Variants in FAM149B1 observed in about 807,000 individuals in gnomAD.
FAM149B1 encodes the protein family with sequence similarity 149 member B1.
A neutral mutation model predicts 75.3 loss-of-function variants in FAM149B1; 56 were observed. That is an observed-to-expected ratio of 0.74 (90% CI 0.60 to 0.93). The LOEUF is 0.93. Among genes scored for constraint, FAM149B1 ranks in the 40% least tolerant of loss-of-function variants. The pLI is 0.00. For missense variants in FAM149B1, 639 were observed against 708.4 expected, an observed-to-expected ratio of 0.90 and a Z score of 1.11; for synonymous variants, 259 against 256.1, an observed-to-expected ratio of 1.01 and a Z score of -0.11.
intron 2 of FAM149B1, 85 bp from the exon 3 acceptor site, chr10:73,177,761 G>C: frequency 8.4e-7 from 1 of 1,195,164 alleles, no homozygotes; most frequent in Admixed American, 2.3e-5. Context: ...CACCTAGTAA[G>C]TTGCTGAGTA....
chr10:73,202,343 CAAAG>C (rs2042957889), intron 5 of FAM149B1, among the ~76,000 whole-genome samples: 1 of 151,828 alleles, frequency 6.6e-6, no homozygotes, highest in East Asian at 1.9e-4. Flanking sequence ...TTTTTCAACA[CAAAG>C]AATTCCATTA....
chr10:73,226,077 T>TC (rs1019857281), intron 7 of FAM149B1, among the ~76,000 whole-genome samples: 1 of 151,488 alleles, frequency 6.6e-6, no homozygotes, highest in Non-Finnish European at 1.5e-5. Flanking sequence ...AAATGGTAAG[T>TC]CATGTGTATT....
chr10:73,197,113 C>T (rs1009470974), intron 5 of FAM149B1, among the ~76,000 whole-genome samples: 1 of 152,170 alleles, frequency 6.6e-6, no homozygotes, highest in African/African-American at 2.4e-5. Flanking sequence ...AAGCAATCCT[C>T]CCGCCTCAGC....
intron 9 of FAM149B1, 168 bp downstream of exon 9, chr10:73,230,693 G>T: frequency 1.8e-6 from 1 of 556,340 alleles, no homozygotes; most frequent in East Asian, 2.9e-5. Context: ...GGCTGATAAT[G>T]TAACTGGAAA....
In FAM149B1 at chr10:73,242,299, CAT is replaced by C. The variant is rs924537567; in HGVS notation, c.*1285_*1286del. ...GATTTAAACAGTCCCTTAAAAATTC[CAT>C]ATATTCTCATACCAACTCATCTACA... On this transcript the variant is annotated 3_prime_UTR_variant, in exon 14 of 14. Coordinates refer to ENST00000242505, the MANE Select transcript of FAM149B1 (RefSeq NM_173348.2). 9 of 152,086 alleles carry C rather than the reference CAT, an allele frequency of 5.9e-5. No homozygotes were observed. Among genetic ancestry groups the C allele is most frequent in the Non-Finnish European group, 1.2e-4 (8 of 68,020 alleles). 9.4% of individuals were successfully genotyped at this position (152,086 alleles called of 1,614,324 possible).
At chr10:73,211,845 G>T (rs993982118) in intron 7 of FAM149B1, among the ~76,000 whole-genome samples, 6 of 152,040 alleles carry the variant, frequency 3.9e-5, no homozygotes, top group African/African-American at 1.5e-4. Flanking sequence ...TTTCTTAGTG[G>T]TGAAATCTGG....
intron 5 of FAM149B1, among the ~76,000 whole-genome samples, chr10:73,196,223 C>G (rs2042801439): frequency 1.3e-5 from 2 of 152,006 alleles, no homozygotes; most frequent in Admixed American, 1.3e-4. Flanking sequence ...AGGCTCCTTA[C>G]TTTAAGGAGA....
At chr10:73,233,611 T>C (rs2043760047) in intron 10 of FAM149B1, among the ~76,000 whole-genome samples, 1 of 152,222 alleles carries the variant, frequency 6.6e-6, no homozygotes, top group African/African-American at 2.4e-5. Context: ...CCTAAAGTGC[T>C]GAGATTACAG....
chr10:73,240,240 G>C (rs758412840), intron 13 of FAM149B1, among the ~76,000 whole-genome samples: 2 of 152,156 alleles, frequency 1.3e-5, no homozygotes, highest in Non-Finnish European at 2.9e-5. Context: ...GATGTTTCCT[G>C]TTAATGATCA....
intron 1 of FAM149B1, among the ~76,000 whole-genome samples, chr10:73,170,722 G>T (rs1843677110): frequency 6.6e-6 from 1 of 151,960 alleles, no homozygotes; most frequent in African/African-American, 2.4e-5. Flanking sequence ...TTAGTTCCTA[G>T]TAAACTCTTT....
chr10:73,208,556 G>T, intron 5 of FAM149B1, 63 bp from the exon 6 acceptor site: 1 of 1,211,338 alleles, frequency 8.3e-7, no homozygotes, highest in South Asian at 1.8e-5. Flanking sequence ...TCATGTAACT[G>T]TGTTGCCATA....
chr10:73,174,571 A>G (rs1209723389), intron 1 of FAM149B1, 116 bp from the exon 2 acceptor site: 1 of 689,048 alleles, frequency 1.5e-6, no homozygotes, highest in East Asian at 2.7e-5. Context: ...GGTGGCTACC[A>G]TATCAGACAG....
rs1432311254 is a variant in FAM149B1, at chr10:73,233,168, G to GT, written c.1352+8dup. 6.5e-7 allele frequency: 1 copy of GT among 1,545,450 alleles called. No homozygotes were observed. The highest frequency in any genetic ancestry group is 2.0e-5 in the Admixed American group (1 of 50,980). On this transcript the variant is annotated splice_donor_region_variant and intron_variant, in intron 10 of 13. Transcript: ENST00000242505. ...AATCCTCAGAGGAGCCCGAGTGTAGGTTTCAAAAGCAGAACTTCTGGAAAC... is the reference window on the plus strand; with the variant it reads ...AATCCTCAGAGGAGCCCGAGTGTAGGTTTTCAAAAGCAGAACTTCTGGAAAC...
chr10:73,233,841 C>T (rs545155705), intron 10 of FAM149B1, among the ~76,000 whole-genome samples: 1 of 152,290 alleles, frequency 6.6e-6, no homozygotes, highest in African/African-American at 2.4e-5. Flanking sequence ...ATAGTTAATT[C>T]CCCTTTAAGG....
chr10:73,218,848 C>A (rs550638108), intron 7 of FAM149B1, among the ~76,000 whole-genome samples: 1 of 152,048 alleles, frequency 6.6e-6, no homozygotes, highest in Non-Finnish European at 1.5e-5. Flanking sequence ...CAGTTTTCCC[C>A]TCAATTTATC....
At chr10:73,183,741 TAAAG>T (rs1027145836) in intron 3 of FAM149B1, among the ~76,000 whole-genome samples, 3 of 152,156 alleles carry the variant, frequency 2.0e-5, no homozygotes, top group Non-Finnish European at 4.4e-5. Context: ...ATATAACAAA[TAAAG>T]AAGCAATTAT....
At position 73,178,968 on chromosome 10, in the gene FAM149B1, G is replaced by GT. The variant is rs1229898405; in HGVS notation, c.282+999dup. On this transcript the variant is annotated intron_variant, in intron 3 of 13. Coordinates refer to ENST00000242505, the MANE Select transcript of FAM149B1 (RefSeq NM_173348.2). Reference sequence around the variant, plus strand: ...GATGCAATAGACATTTTTATTTCTTGTTTTTTGTTTTTTTTGGAACGGAGT... The same window carrying GT: ...GATGCAATAGACATTTTTATTTCTTGTTTTTTTGTTTTTTTTGGAACGGAGT... Among the ~76,000 whole-genome samples, 405 of 151,330 alleles carry GT rather than the reference G, an allele frequency of 2.7e-3. 1 individual carries two copies. The highest frequency in any genetic ancestry group is 8.8e-3 in the African/African-American group (360 of 41,054).
At chr10:73,239,422 GGTTGT>G (rs1282875702) in intron 13 of FAM149B1, 38 bp downstream of exon 13, 15 of 1,489,376 alleles carry the variant, frequency 1.0e-5, no homozygotes, top group East Asian at 4.9e-5. Context: ...ACTACTGTGT[GGTTGT>G]GTTAAGACCC....
rs1302389880 is a variant in FAM149B1 at position 73,177,906 on chromosome 10, T to G, written c.213T>G (p.Ser71=). The G allele has an allele frequency of 2.6e-6, 4 of 1,551,726 alleles. No individual in the cohort carries two copies. In the East Asian group the frequency reaches 7.3e-5, roughly 28 times the overall value. The change falls in exon 3 of 14, where the codon TCT becomes TCG. Residue 71 remains serine, a synonymous_variant. Coordinates refer to ENST00000242505, the MANE Select transcript of FAM149B1 (RefSeq NM_173348.2). ...CAGCCGACACTGGGAATTCACTGTCTGCTTTTCCAAGTTATACAGGCGCAG... is the reference window on the plus strand; with the variant it reads ...CAGCCGACACTGGGAATTCACTGTCGGCTTTTCCAAGTTATACAGGCGCAG... ...FTSADTGNSL[S]AFPSYTGAGI...
Sources: gnomAD v4.1 joint callset for allele counts (sites outside exome capture counted in the v4.1 genomes callset) on GRCh38, gnomAD v4.1.1 for gene constraint, MANE v1.5 for transcripts, NCBI Gene and HGNC (gene_info 2026-07-23, HGNC 2026-07-21) for gene names.